The following SLIT3 variants were observed in gnomAD, a reference collection of about 807,000 sequenced individuals.
SLIT3 encodes slit guidance ligand 3.
In SLIT3, 68 loss-of-function variants were observed where a neutral mutation model predicts 184.0. The observed-to-expected ratio is 0.37, with a 90% CI of 0.30 to 0.45. The LOEUF (loss-of-function observed/expected upper bound fraction) is 0.45. Ranked by LOEUF, SLIT3 falls within the 20% of genes least tolerant of loss-of-function variation. SLIT3 has a pLI of 1.00. For synonymous variants in SLIT3, 831 were observed against 828.6 expected (o/e 1.00, Z -0.05); for missense variants, 1,707 against 2,026.0 (o/e 0.84, Z 3.02).
chr5:168,865,955 T>C (rs915460762), intron 5 of SLIT3, among the ~76,000 whole-genome samples: 1 of 152,232 alleles, frequency 6.6e-6, no homozygotes, highest in Non-Finnish European at 1.5e-5. Context: ...TAATTCCTTA[T>C]CTCAAACTGT....
chr5:169,230,419 G>C (rs894922568), intron 3 of SLIT3, among the ~76,000 whole-genome samples: 1 of 152,130 alleles, frequency 6.6e-6, no homozygotes, highest in Non-Finnish European at 1.5e-5. Flanking sequence ...TCTCTACTAG[G>C]AGCAAAATAA....
intron 32 of SLIT3, among the ~76,000 whole-genome samples, chr5:168,683,520 G>A (rs1761654252): frequency 6.6e-6 from 1 of 152,176 alleles, no homozygotes; most frequent in African/African-American, 2.4e-5. Context: ...CTTCAGGATG[G>A]TTTGAAAGTC....
At chr5:169,003,986 C>T (rs1374529800) in intron 4 of SLIT3, among the ~76,000 whole-genome samples, 2 of 152,156 alleles carry the variant, frequency 1.3e-5, no homozygotes, top group Admixed American at 6.5e-5. Flanking sequence ...CTGACTGATT[C>T]TCACGTTAGG....
In SLIT3 at chr5:169,188,538, C is replaced by T. The variant is rs751768499; in HGVS notation, c.413+4941G>A. On this transcript the variant is annotated intron_variant, in intron 4 of 35. Coordinates refer to ENST00000519560, the MANE Select transcript of SLIT3 (RefSeq NM_003062.4). The stretch of plus-strand genomic sequence containing the variant: ...CTTACAGGTAGAAGAGCCAGCATGA[C>T]GACTCAGGTCTTCCCACTCCAAGTG... Among the ~76,000 whole-genome samples, 13 of 152,260 alleles carry T rather than the reference C, an allele frequency of 8.5e-5. No homozygotes were observed. In the East Asian group the frequency reaches 1.2e-3, roughly 14 times the overall value.
At chr5:168,929,717 A>T (rs1761931747) in intron 4 of SLIT3, among the ~76,000 whole-genome samples, 1 of 152,252 alleles carries the variant, frequency 6.6e-6, no homozygotes. Flanking sequence ...AGCAGATAGT[A>T]AAACCTAGCA....
rs181925129 is a variant in SLIT3 at position 169,031,540 on chromosome 5, G to A, written c.414-148204C>T. On this transcript the variant is annotated intron_variant, in intron 4 of 35. Coordinates refer to ENST00000519560, the MANE Select transcript of SLIT3 (RefSeq NM_003062.4). The stretch of plus-strand genomic sequence containing the variant: ...AATTACAGTTCATGGAGGTTACACC[G>A]AAGCTAGATTTTCTTGGGAGGGCAC... 3.9e-5 allele frequency among the ~76,000 whole-genome samples: 6 copies of A among 152,288 alleles called. No individual in the cohort carries two copies. In the East Asian group the frequency reaches 7.7e-4, roughly 20 times the overall value.
At chr5:168,862,948 TA>T (rs1759164231) in intron 5 of SLIT3, among the ~76,000 whole-genome samples, 1 of 152,220 alleles carries the variant, frequency 6.6e-6, no homozygotes, top group Admixed American at 6.5e-5. Context: ...GTGTTGGGAT[TA>T]CAGGCATGAG....
chr5:168,776,708 T>C (rs1398670761), intron 12 of SLIT3, among the ~76,000 whole-genome samples: 2 of 152,192 alleles, frequency 1.3e-5, no homozygotes, highest in East Asian at 1.9e-4. Context: ...TTAGTCAGTG[T>C]CACTGCATTT....
At chr5:169,117,315 G>A (rs1760710545) in intron 4 of SLIT3, among the ~76,000 whole-genome samples, 1 of 152,148 alleles carries the variant, frequency 6.6e-6, no homozygotes, top group South Asian at 2.1e-4. Context: ...GAGCCAAACT[G>A]GAAGTGAGTG....
chr5:169,019,872 A>C (rs1050723313), intron 4 of SLIT3, among the ~76,000 whole-genome samples: 9 of 152,224 alleles, frequency 5.9e-5, no homozygotes, highest in Non-Finnish European at 1.3e-4. Context: ...TGCCTCCAGC[A>C]GTGAAAACAG....
chr5:168,768,326 A>G (rs1755418200), intron 14 of SLIT3: 1 of 465,070 alleles, frequency 2.2e-6, no homozygotes, highest in African/African-American at 2.0e-5. Context: ...GGAGAAGCGG[A>G]AGCCGGAGCA....
Position 169,144,836 on chromosome 5 carries a change from C to T in SLIT3, c.413+48643G>A, listed in dbSNP as rs137872510. The stretch of plus-strand genomic sequence containing the variant: ...CTTTGTCCTAAGCCCTACCCTGCAA[C>T]AGCAGTTACGAATTGAGAAAAGAAG... On this transcript the variant is annotated intron_variant, in intron 4 of 35. Coordinates refer to ENST00000519560, the MANE Select transcript of SLIT3 (RefSeq NM_003062.4). Among the ~76,000 whole-genome samples the T allele has an allele frequency of 3.2e-4, 48 of 152,322 alleles. No homozygotes were observed. In the East Asian group the frequency reaches 8.5e-3, roughly 27 times the overall value.
intron 4 of SLIT3, among the ~76,000 whole-genome samples, chr5:169,117,444 T>C (rs1314668087): frequency 1.3e-5 from 2 of 149,976 alleles, no homozygotes; most frequent in African/African-American, 2.4e-5. Context: ...CTTCCCAGCC[T>C]GATTTTGCCT....
At chr5:168,860,388 T>C (rs1171741902) in intron 5 of SLIT3, among the ~76,000 whole-genome samples, 2 of 152,162 alleles carry the variant, frequency 1.3e-5, no homozygotes, top group South Asian at 4.2e-4. Flanking sequence ...GCTTGACTCT[T>C]TCATTCCATC....
At chr5:168,982,528 G>A (rs1488455087) in intron 4 of SLIT3, among the ~76,000 whole-genome samples, 2 of 152,146 alleles carry the variant, frequency 1.3e-5, no homozygotes, top group African/African-American at 2.4e-5. Flanking sequence ...ATAAGCAATA[G>A]AAAACAGACT....
chr5:169,170,912 A>C (rs572099224), intron 4 of SLIT3, among the ~76,000 whole-genome samples: 158 of 152,296 alleles, frequency 1.0e-3, no homozygotes, highest in African/African-American at 3.7e-3. Flanking sequence ...GTAAATTAAC[A>C]ATCTATTCTG....
At position 168,889,590 on chromosome 5, in the gene SLIT3, C is replaced by G. The variant is rs79315226; in HGVS notation, c.414-6254G>C. ...TAAAAGCTCCTTCTGCAATCCTTTCCCTCACAGATTCATCAGAAAAGTCCT... is the reference window on the plus strand; with the variant it reads ...TAAAAGCTCCTTCTGCAATCCTTTCGCTCACAGATTCATCAGAAAAGTCCT... On this transcript the variant is annotated intron_variant, in intron 4 of 35. Coordinates refer to ENST00000519560, the MANE Select transcript of SLIT3 (RefSeq NM_003062.4). Among the ~76,000 whole-genome samples the G allele has an allele frequency of 7.4e-3, 1,132 of 152,276 alleles. 14 individuals carry two copies. The highest frequency in any genetic ancestry group is 0.025 in the African/African-American group (1,058 of 41,538).
intron 33 of SLIT3, among the ~76,000 whole-genome samples, chr5:168,672,832 C>T (rs1761295132): frequency 6.6e-6 from 1 of 152,114 alleles, no homozygotes. Context: ...ATTAATTGAA[C>T]CTCCGAGGGT....
intron 9 of SLIT3, among the ~76,000 whole-genome samples, chr5:168,798,204 T>A (rs1756637815): frequency 7.1e-6 from 1 of 141,460 alleles, no homozygotes; most frequent in African/African-American, 2.8e-5. Context: ...GCTTTTGGTT[T>A]TCTTTTCTTC....
Sources: allele counts gnomAD v4.1 joint callset (sites outside exome capture counted in the v4.1 genomes callset), GRCh38; gene constraint gnomAD v4.1.1; transcripts MANE v1.5; gene names NCBI Gene and HGNC (gene_info 2026-07-23, HGNC 2026-07-21).